Variants in PRKCE observed in about 807,000 individuals in gnomAD.
PRKCE encodes protein kinase C epsilon type.
PRKCE carries 16 observed loss-of-function variants against 85.4 expected under a neutral mutation model. That is an observed-to-expected ratio of 0.19 (90% confidence interval 0.13 to 0.28). The LOEUF (loss-of-function observed/expected upper bound fraction) is 0.28, where lower values mean the gene tolerates loss of function less well. PRKCE is among the 10% of genes least tolerant of loss of function. The probability of loss-of-function intolerance (pLI) is 1.00; values close to 1 mark genes in which losing one functional copy is unlikely to be tolerated. For synonymous variants in PRKCE, 388 were observed against 371.5 expected (o/e 1.04, Z -0.51); for missense variants, 573 against 975.2 (o/e 0.59, Z 5.49).
At position 46,001,845 on chromosome 2, in the gene PRKCE, A is replaced by G. The variant is rs981409998; in HGVS notation, c.966+299A>G. 7.9e-5 allele frequency among the ~76,000 whole-genome samples: 12 copies of G among 152,210 alleles called. No individual in the cohort carries two copies. Among genetic ancestry groups the G allele is most frequent in the African/African-American group, 2.9e-4 (12 of 41,450 alleles). Reference sequence around the variant, plus strand: ...CTTCTAGAAAAAGCTTAACAACTCCATACAAGGAAATGGACTTATCTGCTT... The same window carrying G: ...CTTCTAGAAAAAGCTTAACAACTCCGTACAAGGAAATGGACTTATCTGCTT... On this transcript the variant is annotated intron_variant, in intron 7 of 14. Transcript: ENST00000306156. This position sits in a 1 kb window ranked among gnomAD's most constrained non-coding sequence, Gnocchi z 4.4.
At chr2:46,121,123 C>A (rs1265043759) in intron 11 of PRKCE, among the ~76,000 whole-genome samples, 1 of 152,180 alleles carries the variant, frequency 6.6e-6, no homozygotes, top group Non-Finnish European at 1.5e-5. Context: ...TCAACCAAAC[C>A]AAACTTTTTA....
chr2:46,001,163 A>G lies in PRKCE; in HGVS notation c.824-241A>G, dbSNP rs190276820. 6.6e-6 allele frequency among the ~76,000 whole-genome samples: 1 copy of G among 152,224 alleles called. No homozygotes were observed. Among genetic ancestry groups the G allele is most frequent in the East Asian group, 1.9e-4 (1 of 5,174 alleles). ...ACTTATCTATATTTAGGGTATACGT[A>G]GAAAGGATGGCTGGAATGAAGTACT... On this transcript the variant is annotated intron_variant, in intron 6 of 14. Coordinates refer to ENST00000306156, the MANE Select transcript of PRKCE (RefSeq NM_005400.3). This position sits in a 1 kb window ranked among gnomAD's most constrained non-coding sequence, Gnocchi z 4.4.
At chr2:46,149,915 C>T (rs1676449233) in intron 12 of PRKCE, among the ~76,000 whole-genome samples, 1 of 149,290 alleles carries the variant, frequency 6.7e-6, no homozygotes, top group South Asian at 2.1e-4. Context: ...GAAGTGCAGT[C>T]GCATGATTAT....
At chr2:45,858,458 G>C (rs770417359) in intron 2 of PRKCE, among the ~76,000 whole-genome samples, 3 of 151,844 alleles carry the variant, frequency 2.0e-5, no homozygotes, top group Non-Finnish European at 4.4e-5. Context: ...ATTTAAATCA[G>C]ACTTACCCTC....
At chr2:46,069,965 G>A (rs188545114) in intron 10 of PRKCE, among the ~76,000 whole-genome samples, 1 of 152,302 alleles carries the variant, frequency 6.6e-6, no homozygotes, top group Admixed American at 6.5e-5. Flanking sequence ...GTACCTAGCC[G>A]ACAGATTCAC....
chr2:45,716,196 A>C (rs1680071997), intron 1 of PRKCE, among the ~76,000 whole-genome samples: 1 of 152,150 alleles, frequency 6.6e-6, no homozygotes, highest in South Asian at 2.1e-4. Flanking sequence ...GCCATGGTGT[A>C]TTACTTCGTT....
intron 1 of PRKCE, among the ~76,000 whole-genome samples, chr2:45,750,206 C>A (rs192055159): frequency 6.6e-6 from 1 of 152,274 alleles, no homozygotes; most frequent in East Asian, 1.9e-4. Context: ...TGTTGTGCAA[C>A]CATCACTACT....
chr2:46,150,023 A>AT (rs922513748), intron 12 of PRKCE, among the ~76,000 whole-genome samples: 1 of 151,614 alleles, frequency 6.6e-6, no homozygotes, highest in African/African-American at 2.4e-5. Context: ...TGCCCAGCTA[A>AT]TTTTTTTTAA....
chr2:45,779,409 G>C (rs1484695497), intron 1 of PRKCE, among the ~76,000 whole-genome samples: 1 of 152,044 alleles, frequency 6.6e-6, no homozygotes, highest in Non-Finnish European at 1.5e-5. Flanking sequence ...AGGGATGTCC[G>C]GGGGCGAGGA....
chr2:46,103,930 T>A (rs1041070442), intron 11 of PRKCE, among the ~76,000 whole-genome samples: 4 of 152,114 alleles, frequency 2.6e-5, no homozygotes, highest in African/African-American at 9.7e-5. Context: ...CTGGCATACT[T>A]GGTGTAACTT....
At chr2:45,824,151 T>C (rs141396792) in intron 1 of PRKCE, among the ~76,000 whole-genome samples, 3 of 152,372 alleles carry the variant, frequency 2.0e-5, no homozygotes, top group East Asian at 3.9e-4. Context: ...AGAGGTAATC[T>C]TGAGGCAATC....
chr2:45,695,953 A>G (rs1051935402), intron 1 of PRKCE, among the ~76,000 whole-genome samples: 10 of 152,090 alleles, frequency 6.6e-5, no homozygotes, highest in African/African-American at 2.4e-4. Context: ...TTTTATTATT[A>G]TTATACTTTA....
chr2:45,756,404 C>G (rs577818948), intron 1 of PRKCE, among the ~76,000 whole-genome samples: 8 of 152,234 alleles, frequency 5.3e-5, no homozygotes, highest in East Asian at 1.9e-4. Flanking sequence ...AAAGTTTGAT[C>G]GTATAGTCTC....
intron 1 of PRKCE, among the ~76,000 whole-genome samples, chr2:45,771,503 A>T (rs1437488267): frequency 6.6e-6 from 1 of 152,164 alleles, no homozygotes; most frequent in Non-Finnish European, 1.5e-5. Context: ...CAACGGCCTC[A>T]TCTCTGCTGA....
chr2:46,050,671 G>C (rs935335902), intron 10 of PRKCE, among the ~76,000 whole-genome samples: 2 of 152,194 alleles, frequency 1.3e-5, no homozygotes, highest in Non-Finnish European at 2.9e-5. Context: ...AAAGGTAAAG[G>C]TATCTGGGAC....
chr2:45,861,445 G>T (rs1479615408), intron 2 of PRKCE, among the ~76,000 whole-genome samples: 4 of 152,096 alleles, frequency 2.6e-5, no homozygotes, highest in African/African-American at 9.7e-5. Context: ...GTATTAGGTT[G>T]CATATCTAAC....
At chr2:45,839,739 C>T (rs1573562257) in intron 1 of PRKCE, among the ~76,000 whole-genome samples, 1 of 152,348 alleles carries the variant, frequency 6.6e-6, no homozygotes, top group Non-Finnish European at 1.5e-5. Flanking sequence ...ATCTTTTATA[C>T]TTGGTGACCC....
intron 1 of PRKCE, among the ~76,000 whole-genome samples, chr2:45,796,467 G>C (rs549390551): frequency 2.6e-5 from 4 of 152,096 alleles, no homozygotes; most frequent in Admixed American, 2.6e-4. Flanking sequence ...ACAAGCATTG[G>C]CTGCTATTAT....
At chr2:45,981,791 T>C (rs1702910629) in intron 5 of PRKCE, among the ~76,000 whole-genome samples, 1 of 152,160 alleles carries the variant, frequency 6.6e-6, no homozygotes, top group African/African-American at 2.4e-5. Flanking sequence ...CTGTGTCCCA[T>C]GGAAACAAAG....
Sources: gnomAD v4.1 joint callset for allele counts (sites outside exome capture counted in the v4.1 genomes callset) on GRCh38, gnomAD v4.1.1 for gene constraint, Gnocchi (gnomAD v3.1) non-coding constraint, MANE v1.5 for transcripts, NCBI Gene and HGNC (gene_info 2026-07-23, HGNC 2026-07-21) for gene names.